The following SLCO4A1 variants were observed in gnomAD, a reference collection of about 807,000 sequenced individuals.
SLCO4A1 encodes solute carrier organic anion transporter family member 4A1, also known as colon organic anion transporter.
Under a neutral mutation model 64.6 loss-of-function variants are expected in SLCO4A1, and 51 were observed. The ratio of observed to expected loss-of-function variants is 0.79; its 90% CI spans 0.63 to 1.00. The LOEUF (loss-of-function observed/expected upper bound fraction) is 1.00, where lower values mean the gene tolerates loss of function less well. Among genes scored for constraint, SLCO4A1 ranks in the 50% least tolerant of loss-of-function variants. The probability of loss-of-function intolerance (pLI) is 0.00; values close to 1 mark genes in which losing one functional copy is unlikely to be tolerated. For synonymous variants in SLCO4A1, 471 were observed against 444.9 expected (o/e 1.06, Z -0.74); for missense variants, 919 against 980.5 (o/e 0.94, Z 0.84).
At chr20:62,666,057 G>A (rs1304348552) in intron 6 of SLCO4A1, 1 of 212,682 alleles carries the variant, frequency 4.7e-6, no homozygotes, top group African/African-American at 2.3e-5. Context: ...ACTGGGGCAG[G>A]GGCCGCTGAC....
chr20:62,652,865 G>A (rs1273390604), intron 1 of SLCO4A1, among the ~76,000 whole-genome samples: 2 of 152,362 alleles, frequency 1.3e-5, no homozygotes, highest in East Asian at 3.9e-4. Flanking sequence ...GTCAACAGCG[G>A]CTGCACGTGA....
intron 1 of SLCO4A1, among the ~76,000 whole-genome samples, chr20:62,643,645 C>T (rs891056791): frequency 6.6e-6 from 1 of 152,246 alleles, no homozygotes; most frequent in Admixed American, 6.5e-5. Context: ...TTACCTCCAT[C>T]TAATCAGAAA....
chr20:62,681,642 A>G (rs111688696), intron 2 of SLCO4A1, among the ~76,000 whole-genome samples: 1 of 152,206 alleles, frequency 6.6e-6, no homozygotes, highest in Non-Finnish European at 1.5e-5. Context: ...TCGAATATCC[A>G]TGTACGGGCT....
Position 62,667,736 on chromosome 20 carries a change from C to A in SLCO4A1, c.1473-9C>A, listed in dbSNP as rs112985668. On this transcript the variant is annotated splice_polypyrimidine_tract_variant and intron_variant, in intron 7 of 11. Transcript: ENST00000217159. ...TGGACCCTACCACTCGCTTGTCCCC[C>A]CTCTGCAGCCTCCTGCCCGAAGGCC... is the stretch of plus-strand genomic sequence containing the variant. 29 of 1,604,114 alleles carry A rather than the reference C, an allele frequency of 1.8e-5. No individual in the cohort carries two copies. The highest frequency in any genetic ancestry group is 2.2e-5 in the East Asian group (1 of 44,726).
At chr20:62,673,785 ACC>A (rs1395488163), downstream of SLCO4A1, among the ~76,000 whole-genome samples, 6 of 103,010 alleles carry the variant, frequency 5.8e-5, no homozygotes, top group African/African-American at 5.8e-5. Context: ...ACCCTGTAGC[ACC>A]TGGACTGCAG....
chr20:62,668,606 C>G, intron 10 of SLCO4A1, 65 bp downstream of exon 10: 1 of 1,435,480 alleles, frequency 7.0e-7, no homozygotes, highest in South Asian at 1.1e-5. Flanking sequence ...AGGGCATGGG[C>G]AAGTGTCTAA....
rs1051556281 is a variant in SLCO4A1, at chr20:62,677,412, A to G, written n.212-8029A>G. 1.3e-4 allele frequency among the ~76,000 whole-genome samples: 20 copies of G among 152,280 alleles called. No individual in the cohort carries two copies. In the East Asian group the frequency reaches 3.9e-3, roughly 29 times the overall value. ...CTGTTGGGGGATCTGTGTCTGTTCCATAACTTTCTGGTGTCTGTTCCATAA... is the reference window on the plus strand; with the variant it reads ...CTGTTGGGGGATCTGTGTCTGTTCCGTAACTTTCTGGTGTCTGTTCCATAA... On this transcript the variant is annotated intron_variant and non_coding_transcript_variant, in intron 2 of 2. Coordinates refer to the SLCO4A1 transcript ENST00000466818.
rs1412898864 is a variant in SLCO4A1 at position 62,644,381 on chromosome 20, T to A, written c.-97+1828T>A. Among the ~76,000 whole-genome samples, 1 of 152,226 alleles carries A rather than the reference T, an allele frequency of 6.6e-6. No homozygotes were observed. The highest frequency in any genetic ancestry group is 1.5e-5 in the Non-Finnish European group (1 of 68,038). ...TCCCTCCCGAGTGGCCGTGACCTAA[T>A]CTGTAGCTCACTGGGTGTGGCCCCT... On this transcript the variant is annotated intron_variant, in intron 1 of 11. Transcript: ENST00000217159. The surrounding 1 kb of genome is among the most constrained non-coding windows in gnomAD (Gnocchi z 5.4).
chr20:62,652,981 C>T (rs1168309520), intron 1 of SLCO4A1, among the ~76,000 whole-genome samples: 1 of 152,248 alleles, frequency 6.6e-6, no homozygotes, highest in Admixed American at 6.5e-5. Flanking sequence ...CTCATTGCCA[C>T]CGGCGGGCTG....
intron 11 of SLCO4A1, among the ~76,000 whole-genome samples, chr20:62,670,511 C>T (rs909911480): frequency 2.6e-5 from 4 of 152,244 alleles, no homozygotes; most frequent in African/African-American, 9.6e-5. Context: ...CCGGAGGCGC[C>T]TCCTTCAGCG....
intron 11 of SLCO4A1, among the ~76,000 whole-genome samples, chr20:62,669,747 A>C (rs924210074): frequency 1.3e-5 from 2 of 152,072 alleles, no homozygotes; most frequent in African/African-American, 2.4e-5. Flanking sequence ...GACCCAGGAG[A>C]GTTCATCCTG....
rs975788136 is a variant in SLCO4A1, at chr20:62,657,219, C to T, written c.765C>T (p.Asn255=). ...TGGGCGTCACCTACCTGGATGAGAA[C>T]GTCAAGTCCAGCTGCTCGCCCGTCT... ...YTLGVTYLDE[N]VKSSCSPVYI... The change falls in exon 2 of 12, where the codon AAC becomes AAT. Residue 255 remains asparagine, a synonymous_variant. Coordinates refer to ENST00000217159, the MANE Select transcript of SLCO4A1 (RefSeq NM_016354.4). 20 of 1,538,666 alleles carry T rather than the reference C, an allele frequency of 1.3e-5. No individual in the cohort carries two copies. Among genetic ancestry groups the T allele is most frequent in the African/African-American group, 4.1e-5 (3 of 72,982 alleles).
At chr20:62,658,812 T>G (rs1984238707) in intron 3 of SLCO4A1, 45 bp downstream of exon 3, 12 of 1,494,712 alleles carry the variant, frequency 8.0e-6, no homozygotes, top group Non-Finnish European at 1.1e-5. Flanking sequence ...GAGGCCCACG[T>G]GTCTCTGGAA....
At chr20:62,681,721 C>T (rs1222692637) in intron 2 of SLCO4A1, among the ~76,000 whole-genome samples, 10 of 152,146 alleles carry the variant, frequency 6.6e-5, no homozygotes, top group East Asian at 1.9e-4. Flanking sequence ...GTGCCCCCAT[C>T]CCTTTGTATA....
chr20:62,665,200 C>T (rs1985878191), intron 6 of SLCO4A1, 112 bp downstream of exon 6: 10 of 1,224,730 alleles, frequency 8.2e-6, no homozygotes, highest in Non-Finnish European at 9.0e-6. Flanking sequence ...AGTGAGTGCC[C>T]TCCCACCCCC....
chr20:62,674,009 T>C (rs1231095886), downstream of SLCO4A1, among the ~76,000 whole-genome samples: 1 of 152,174 alleles, frequency 6.6e-6, no homozygotes, highest in Non-Finnish European at 1.5e-5. Flanking sequence ...CCCAGGCTCG[T>C]CTATGGCAGT....
chr20:62,655,783 C>T (rs1225885105), intron 1 of SLCO4A1, among the ~76,000 whole-genome samples: 1 of 152,182 alleles, frequency 6.6e-6, no homozygotes, highest in African/African-American at 2.4e-5. Flanking sequence ...CATTCCTGCA[C>T]CTCCCAAACT....
intron 2 of SLCO4A1, among the ~76,000 whole-genome samples, chr20:62,679,968 G>A (rs147786947): frequency 1.3e-5 from 2 of 152,302 alleles, no homozygotes; most frequent in African/African-American, 2.4e-5. Flanking sequence ...GAAACAGAGA[G>A]TTTCTAAGAA....
In SLCO4A1 at chr20:62,685,481, A is replaced by G; in HGVS notation, n.252A>G. 1 of 979,642 alleles carries G rather than the reference A, an allele frequency of 1.0e-6. No homozygotes were observed. The highest frequency in any genetic ancestry group is 1.2e-6 in the Non-Finnish European group (1 of 824,664). The allele number at this position is 979,642 out of a possible 1,614,324, so 60.7% of individuals were successfully genotyped here. On this transcript the variant is annotated non_coding_transcript_exon_variant, in exon 3 of 3. Transcript: ENST00000466818. This position sits in a 1 kb window ranked among gnomAD's most constrained non-coding sequence, Gnocchi z 4.6. ...TTTAGAAGGCTGTAAACCCCATCTG[A>G]GCCTTACACATAGATCTCCTTGAAT...
Sources: allele counts gnomAD v4.1 joint callset (sites outside exome capture counted in the v4.1 genomes callset), GRCh38; gene constraint gnomAD v4.1.1; non-coding constraint Gnocchi (gnomAD v3.1); transcripts MANE v1.5; gene names NCBI Gene and HGNC (gene_info 2026-07-23, HGNC 2026-07-21).